Variants in PCCA observed in about 807,000 individuals in gnomAD.
The protein encoded by PCCA is propionyl-CoA carboxylase subunit alpha.
PCCA carries 74 observed loss-of-function variants against 101.3 expected under a neutral mutation model. The observed-to-expected ratio is 0.73, with a 90% CI of 0.61 to 0.89. The LOEUF (loss-of-function observed/expected upper bound fraction) is 0.89. Ranked by LOEUF, PCCA falls within the 40% of genes least tolerant of loss-of-function variation. PCCA has a pLI of 0.00. For synonymous variants in PCCA, 294 were observed against 313.6 expected (o/e 0.94, Z 0.66); for missense variants, 891 against 907.0 (o/e 0.98, Z 0.23).
chr13:100,228,140 G>A (rs557955516), intron 7 of PCCA, among the ~76,000 whole-genome samples: 6 of 151,880 alleles, frequency 4.0e-5, no homozygotes, highest in Non-Finnish European at 8.8e-5. Flanking sequence ...CTCAGCCCCC[G>A]GAGTAGCTGG....
At chr13:100,529,112 T>A (rs1159855867) in intron 23 of PCCA, among the ~76,000 whole-genome samples, 1 of 152,140 alleles carries the variant, frequency 6.6e-6, no homozygotes, top group East Asian at 1.9e-4. Context: ...CCCAGGCCTC[T>A]CAGTTCCAAC....
At chr13:100,093,991 G>A (rs2152213914) in intron 1 of PCCA, among the ~76,000 whole-genome samples, 1 of 152,198 alleles carries the variant, frequency 6.6e-6, no homozygotes, top group Non-Finnish European at 1.5e-5. Context: ...CACTTTGGGA[G>A]GCCGAGGCAG....
At chr13:100,445,479 T>TA (rs1483740481) in intron 20 of PCCA, among the ~76,000 whole-genome samples, 1 of 152,234 alleles carries the variant, frequency 6.6e-6, no homozygotes, top group African/African-American at 2.4e-5. Context: ...ATATTAATAA[T>TA]ACGTCGTCAT....
intron 4 of PCCA, among the ~76,000 whole-genome samples, chr13:100,130,172 T>G (rs983741849): frequency 6.6e-6 from 1 of 152,244 alleles, no homozygotes; most frequent in South Asian, 2.1e-4. Flanking sequence ...GATACCTGAC[T>G]TGCCCTACTT....
intron 8 of PCCA, among the ~76,000 whole-genome samples, chr13:100,238,768 T>C (rs543018364): frequency 2.0e-5 from 3 of 152,344 alleles, no homozygotes; most frequent in African/African-American, 7.2e-5. Flanking sequence ...TTCTGTGTTG[T>C]TTGATATTTC....
intron 11 of PCCA, among the ~76,000 whole-genome samples, chr13:100,269,049 T>A (rs1205185494): frequency 6.6e-6 from 1 of 152,184 alleles, no homozygotes; most frequent in Non-Finnish European, 1.5e-5. Context: ...GGTTTTGTCA[T>A]GTTGCTCAGG....
chr13:100,387,723 C>T (rs2076589082), intron 19 of PCCA, among the ~76,000 whole-genome samples: 1 of 152,146 alleles, frequency 6.6e-6, no homozygotes, highest in African/African-American at 2.4e-5. Flanking sequence ...GTGGGTATCG[C>T]ACTCTACTTT....
chr13:100,523,055 T>G (rs2087438746), intron 22 of PCCA, among the ~76,000 whole-genome samples: 1 of 152,208 alleles, frequency 6.6e-6, no homozygotes, highest in Non-Finnish European at 1.5e-5. Flanking sequence ...CTGCACTTTC[T>G]TTGAGCGTTC....
intron 21 of PCCA, among the ~76,000 whole-genome samples, chr13:100,481,397 A>C (rs1237417659): frequency 1.3e-5 from 2 of 152,116 alleles, no homozygotes; most frequent in African/African-American, 4.8e-5. Flanking sequence ...GCCTCTACAA[A>C]AAACACAAAA....
At chr13:100,252,771 C>T (rs965269682) in intron 8 of PCCA, among the ~76,000 whole-genome samples, 1 of 152,170 alleles carries the variant, frequency 6.6e-6, no homozygotes, top group Non-Finnish European at 1.5e-5. Context: ...TCCAAACTGT[C>T]GCTAACTCTA....
intron 19 of PCCA, among the ~76,000 whole-genome samples, chr13:100,386,626 C>T (rs937843751): frequency 2.0e-5 from 3 of 152,232 alleles, no homozygotes; most frequent in African/African-American, 7.2e-5. Context: ...CGTGATCCAC[C>T]CGCCTCGGCT....
intron 8 of PCCA, among the ~76,000 whole-genome samples, chr13:100,244,133 A>C (rs1385121635): frequency 6.6e-6 from 1 of 152,216 alleles, no homozygotes; most frequent in Admixed American, 6.5e-5. Flanking sequence ...TCAGGAGAAG[A>C]CATTTAATAT....
chr13:100,221,478 G>A (rs923459005), intron 7 of PCCA, among the ~76,000 whole-genome samples: 1 of 152,192 alleles, frequency 6.6e-6, no homozygotes, highest in African/African-American at 2.4e-5. Flanking sequence ...TTAGGAGGCT[G>A]CATCTGAATT....
chr13:100,381,667 G>A lies in PCCA; in HGVS notation c.1746+13093G>A, dbSNP rs145025874. Among the ~76,000 whole-genome samples, 1,257 of 152,228 alleles carry A rather than the reference G, an allele frequency of 8.3e-3. 8 individuals carry two copies. The highest frequency in any genetic ancestry group is 0.011 in the Non-Finnish European group (758 of 68,010). On this transcript the variant is annotated intron_variant, in intron 19 of 23. Coordinates refer to ENST00000376285, the MANE Select transcript of PCCA (RefSeq NM_000282.4). ...CAAGTTATTTCCCTGACCCCTTTGC[G>A]GGACCGCTTTGCCACGGGGTGCCTC...
intron 12 of PCCA, among the ~76,000 whole-genome samples, chr13:100,282,176 T>C (rs1242217124): frequency 6.6e-6 from 1 of 152,218 alleles, no homozygotes; most frequent in Non-Finnish European, 1.5e-5. Flanking sequence ...AAATTAGCCC[T>C]TTGTGATATT....
chr13:100,482,574 AGGTTTTTTGTTTT>A (rs112055782), intron 21 of PCCA, among the ~76,000 whole-genome samples: 1,829 of 151,964 alleles, frequency 0.012, 40 homozygotes, highest in African/African-American at 0.042. Context: ...TGACATAACA[AGGTTTTTTGTTTT>A]GGTTTTTTGT....
intron 1 of PCCA, among the ~76,000 whole-genome samples, chr13:100,101,646 C>G (rs1245918364): frequency 2.0e-4 from 30 of 152,106 alleles, no homozygotes; most frequent in Admixed American, 2.0e-3. Flanking sequence ...GTTGCCCAGG[C>G]TGGAGTGCAA....
Position 100,237,015 on chromosome 13 carries a change from A to G in PCCA, c.637+1137A>G, listed in dbSNP as rs1313001200. 4 of 152,162 alleles carry G rather than the reference A, an allele frequency of 2.6e-5. No individual in the cohort carries two copies. The East Asian group carries it at 7.7e-4, about 29-fold the overall frequency. 9.4% of individuals were successfully genotyped at this position (152,162 alleles called of 1,614,324 possible). On this transcript the variant is annotated intron_variant, in intron 8 of 23. Transcript: ENST00000376285. ...CTGTACGCCTCAGTCCAAGCATCTC[A>G]TCGTGCCACACGAACATTTCTGTAG...
At position 100,273,259 on chromosome 13, in the gene PCCA, A is replaced by G. The variant is rs1391142745; in HGVS notation, c.978A>G (p.Ala326=). 6.2e-7 allele frequency: 1 copy of G among 1,611,906 alleles called. No homozygotes were observed. The highest frequency in any genetic ancestry group is 2.2e-5 in the East Asian group (1 of 44,846). The change falls in exon 12 of 24, where the codon GCA becomes GCG. Residue 326 remains alanine, a synonymous_variant. Coordinates refer to ENST00000376285, the MANE Select transcript of PCCA (RefSeq NM_000282.4). ...AACAAGCTGTAGCTCTTGCCAGAGC[A>G]GTAAAATATTCCTCTGCTGGGACCG... ...MGEQAVALAR[A]VKYSSAGTVE...
Sources: allele counts gnomAD v4.1 joint callset (sites outside exome capture counted in the v4.1 genomes callset), GRCh38; gene constraint gnomAD v4.1.1; transcripts MANE v1.5; gene names NCBI Gene and HGNC (gene_info 2026-07-23, HGNC 2026-07-21).